The following LRMDA variants were observed in gnomAD, a reference collection of about 807,000 sequenced individuals.
LRMDA encodes leucine rich melanocyte differentiation associated, also known as leucine-rich melanocyte differentiation-associated protein.
In LRMDA, 18 loss-of-function variants were observed where a neutral mutation model predicts 29.8. That is an observed-to-expected ratio of 0.60 (90% CI 0.42 to 0.90). The LOEUF (loss-of-function observed/expected upper bound fraction) is 0.90, where lower values mean the gene tolerates loss of function less well. Among genes scored for constraint, LRMDA ranks in the 40% least tolerant of loss-of-function variants. LRMDA has a pLI of 0.00. For missense variants in LRMDA, 273 were observed against 273.9 expected, an observed-to-expected ratio of 1.00 and a Z score of 0.02; for synonymous variants, 125 against 109.4, an observed-to-expected ratio of 1.14 and a Z score of -0.89.
intron 5 of LRMDA, among the ~76,000 whole-genome samples, chr10:76,185,169 T>C (rs1344720142): frequency 1.3e-5 from 2 of 152,238 alleles, no homozygotes; most frequent in African/African-American, 4.8e-5. Context: ...AATGAGTTAC[T>C]GCGTTCAGGA....
At chr10:75,732,683 C>T (rs1842714244) in intron 2 of LRMDA, among the ~76,000 whole-genome samples, 2 of 152,140 alleles carry the variant, frequency 1.3e-5, no homozygotes, top group South Asian at 4.1e-4. Context: ...CATGTCCAGA[C>T]TGCCTATTTG....
At chr10:76,549,415 A>T (rs1231416954) in intron 6 of LRMDA, among the ~76,000 whole-genome samples, 1 of 152,152 alleles carries the variant, frequency 6.6e-6, no homozygotes, top group East Asian at 1.9e-4. Flanking sequence ...GTCCTCTCCC[A>T]GTGGAAAGCT....
Position 75,472,377 on chromosome 10 carries a change from C to T in LRMDA, c.131+33883C>T, listed in dbSNP as rs139153321. On this transcript the variant is annotated intron_variant, in intron 2 of 6. Coordinates refer to ENST00000611255, the MANE Select transcript of LRMDA (RefSeq NM_001305581.2). ...CTCTTGTCTCATTTAATCCTCGTAA[C>T]GACCCATTTGAGGTGGGATTCATTA... Among the ~76,000 whole-genome samples the T allele has an allele frequency of 7.5e-3, 1,136 of 152,278 alleles. 13 individuals carry two copies. Among genetic ancestry groups the T allele is most frequent in the African/African-American group, 0.026 (1,074 of 41,536 alleles).
intron 2 of LRMDA, among the ~76,000 whole-genome samples, chr10:75,719,769 C>G (rs1355443151): frequency 6.6e-6 from 1 of 152,090 alleles, no homozygotes; most frequent in Non-Finnish European, 1.5e-5. Context: ...GACAGCTTGT[C>G]GGTTCTATTA....
chr10:76,254,224 T>C (rs1236867403), intron 5 of LRMDA, among the ~76,000 whole-genome samples: 1 of 152,062 alleles, frequency 6.6e-6, no homozygotes, highest in Non-Finnish European at 1.5e-5. Flanking sequence ...ATTTCACTTT[T>C]AGTAGCATCC....
intron 2 of LRMDA, among the ~76,000 whole-genome samples, chr10:75,778,651 C>T (rs2132240868): frequency 6.6e-6 from 1 of 152,266 alleles, no homozygotes; most frequent in Admixed American, 6.5e-5. Context: ...AGAGAACTTT[C>T]AATGAAACTG....
chr10:76,385,633 A>G (rs1170506041), intron 6 of LRMDA, among the ~76,000 whole-genome samples: 1 of 152,140 alleles, frequency 6.6e-6, no homozygotes, highest in Non-Finnish European at 1.5e-5. Flanking sequence ...GATTTTCCTC[A>G]TCATGCTCTA....
At chr10:75,622,916 C>A (rs11001443) in intron 2 of LRMDA, among the ~76,000 whole-genome samples, 1 of 152,092 alleles carries the variant, frequency 6.6e-6, no homozygotes, top group African/African-American at 2.4e-5. Context: ...TGGGTCTGGG[C>A]TGAGATATGC....
chr10:75,659,385 T>G (rs540347239), intron 2 of LRMDA, among the ~76,000 whole-genome samples: 7 of 152,260 alleles, frequency 4.6e-5, no homozygotes, highest in African/African-American at 1.4e-4. Context: ...CTTCCCCAGC[T>G]TTATTTGAGG....
At chr10:75,975,190 G>A (rs930291515) in intron 2 of LRMDA, among the ~76,000 whole-genome samples, 3 of 152,240 alleles carry the variant, frequency 2.0e-5, no homozygotes, top group African/African-American at 7.2e-5. Context: ...GACTGGAGAA[G>A]TAACTTGTCT....
intron 4 of LRMDA, among the ~76,000 whole-genome samples, chr10:76,055,058 C>A: frequency 7.3e-5 from 4 of 54,946 alleles, no homozygotes; most frequent in Admixed American, 2.8e-4. Flanking sequence ...AGCAAGACTC[C>A]ATCTCAAAAA....
intron 5 of LRMDA, among the ~76,000 whole-genome samples, chr10:76,071,978 C>A (rs1848882958): frequency 6.6e-6 from 1 of 152,118 alleles, no homozygotes; most frequent in Non-Finnish European, 1.5e-5. Context: ...AAATTCATAA[C>A]CTTTTCCACA....
At chr10:76,171,392 G>T (rs139348458) in intron 5 of LRMDA, among the ~76,000 whole-genome samples, 1 of 152,166 alleles carries the variant, frequency 6.6e-6, no homozygotes, top group Non-Finnish European at 1.5e-5. Flanking sequence ...ACCCGCCTTG[G>T]CCTCCCAAAG....
intron 2 of LRMDA, among the ~76,000 whole-genome samples, chr10:75,913,053 C>T (rs145412672): frequency 6.4e-4 from 97 of 152,250 alleles, no homozygotes; most frequent in African/African-American, 2.2e-3. Flanking sequence ...CTTTCATAGA[C>T]GCTAGGTACA....
chr10:76,001,448 T>C (rs1349764312), intron 2 of LRMDA, among the ~76,000 whole-genome samples: 1 of 152,190 alleles, frequency 6.6e-6, no homozygotes. Context: ...CAATGTGAAA[T>C]TTTGGGGATG....
chr10:76,389,843 A>G (rs1175271729), intron 6 of LRMDA, among the ~76,000 whole-genome samples: 1 of 152,096 alleles, frequency 6.6e-6, no homozygotes, highest in Non-Finnish European at 1.5e-5. Flanking sequence ...AATTGTATCT[A>G]TATGCCACAT....
At chr10:75,942,762 T>C (rs1846413483) in intron 2 of LRMDA, among the ~76,000 whole-genome samples, 1 of 152,182 alleles carries the variant, frequency 6.6e-6, no homozygotes. Context: ...TCTTTGTTTC[T>C]TTAGCTGAGC....
chr10:75,854,689 A>G (rs1192459160), intron 2 of LRMDA, among the ~76,000 whole-genome samples: 2 of 152,008 alleles, frequency 1.3e-5, no homozygotes, highest in African/African-American at 4.8e-5. Context: ...CTTAACATTA[A>G]GTATATCTCC....
intron 2 of LRMDA, among the ~76,000 whole-genome samples, chr10:75,673,971 G>T (rs182094652): frequency 8.5e-5 from 13 of 152,314 alleles, no homozygotes; most frequent in Non-Finnish European, 7.3e-5. Flanking sequence ...CAAAGGAACT[G>T]TTGCCTTCCT....
Sources: gnomAD v4.1 joint callset for allele counts (sites outside exome capture counted in the v4.1 genomes callset) on GRCh38, gnomAD v4.1.1 for gene constraint, MANE v1.5 for transcripts, NCBI Gene and HGNC (gene_info 2026-07-23, HGNC 2026-07-21) for gene names.